The following KTN1 variants were observed in gnomAD, a reference collection of about 807,000 sequenced individuals.
The protein encoded by KTN1 is kinectin 1.
KTN1 carries 130 observed loss-of-function variants against 222.5 expected under a neutral mutation model. The observed-to-expected ratio is 0.58, with a 90% confidence interval of 0.51 to 0.68. The LOEUF is 0.68. KTN1 is among the 30% of genes least tolerant of loss of function. The pLI, the probability that KTN1 is intolerant of heterozygous loss-of-function variation, is 0.00. For synonymous variants in KTN1, 512 were observed against 496.3 expected, an observed-to-expected ratio of 1.03 and a Z score of -0.42; for missense variants, 1,508 against 1,500.4, an observed-to-expected ratio of 1.01 and a Z score of -0.08.
At chr14:55,634,207 G>T (rs2040857113) in intron 8 of KTN1, among the ~76,000 whole-genome samples, 4 of 152,128 alleles carry the variant, frequency 2.6e-5, no homozygotes, top group Admixed American at 2.6e-4. Context: ...ACCTTAGAGA[G>T]ACTAGTAATA....
chr14:55,641,572 A>G (rs1052053121), intron 17 of KTN1, 120 bp from the exon 18 acceptor site: 1 of 742,166 alleles, frequency 1.3e-6, no homozygotes, highest in African/African-American at 1.8e-5. Flanking sequence ...TGTATAATTC[A>G]CCTGTCACTT....
At chr14:55,681,771 T>A (rs1454082430) in intron 43 of KTN1, 1 of 152,174 alleles carries the variant, frequency 6.6e-6, no homozygotes, top group Non-Finnish European at 1.5e-5. Flanking sequence ...CTCGAACTTC[T>A]TCATTCCTTA....
chr14:55,581,846 C>A (rs183695149), intron 1 of KTN1, among the ~76,000 whole-genome samples: 3 of 151,864 alleles, frequency 2.0e-5, no homozygotes, highest in Non-Finnish European at 4.4e-5. Context: ...GTAGACATGC[C>A]TTGCAGTAGA....
At position 55,641,204 on chromosome 14, in the gene KTN1, T is replaced by A. The variant is rs763771643; in HGVS notation, c.2099T>A (p.Phe700Tyr). The A allele has an allele frequency of 6.3e-7, 1 of 1,575,956 alleles. No homozygotes were observed. The highest frequency in any genetic ancestry group is 1.2e-5 in the South Asian group (1 of 85,934). Residue 700 changes from phenylalanine to tyrosine, a missense_variant, in exon 17 of 44, where the codon TTT becomes TAT. Transcript: ENST00000395314. ...QHEISNKMEE[F>Y]KILNDQNKAL... Reference sequence around the variant, plus strand: ...GAAATTTCAAACAAAATGGAAGAATTTAAGGTGTGTGATTAAGCTTGTACA... The same window carrying A: ...GAAATTTCAAACAAAATGGAAGAATATAAGGTGTGTGATTAAGCTTGTACA...
At chr14:55,643,195 C>G (rs1455862195) in intron 18 of KTN1, among the ~76,000 whole-genome samples, 2 of 152,140 alleles carry the variant, frequency 1.3e-5, no homozygotes, top group African/African-American at 4.8e-5. Flanking sequence ...CAGATGTGAG[C>G]CACTGTGCCC....
At chr14:55,608,908 G>A (rs2037146502) in intron 1 of KTN1, among the ~76,000 whole-genome samples, 1 of 152,058 alleles carries the variant, frequency 6.6e-6, no homozygotes, top group African/African-American at 2.4e-5. Context: ...GGGATTACAG[G>A]CATGAGCCAC....
intron 1 of KTN1, among the ~76,000 whole-genome samples, chr14:55,603,164 T>C (rs905726158): frequency 6.6e-6 from 1 of 150,636 alleles, no homozygotes; most frequent in African/African-American, 2.4e-5. Context: ...TTTTACTGGA[T>C]CATTTTTTTT....
At chr14:55,636,372 G>A (rs552995942) in intron 9 of KTN1, 77 bp from the exon 10 acceptor site, 46 of 1,065,466 alleles carry the variant, frequency 4.3e-5, no homozygotes, top group Admixed American at 1.5e-4. Flanking sequence ...GGTAGAGGAT[G>A]CTTTTTTTCC....
intron 29 of KTN1, among the ~76,000 whole-genome samples, chr14:55,657,697 G>A (rs1405634181): frequency 3.3e-5 from 5 of 152,038 alleles, no homozygotes. Flanking sequence ...GATCTCTTGA[G>A]GTCAGGGGTT....
intron 1 of KTN1, among the ~76,000 whole-genome samples, chr14:55,582,895 A>G (rs780739915): frequency 5.3e-5 from 8 of 152,182 alleles, no homozygotes; most frequent in Admixed American, 1.3e-4. Flanking sequence ...AATCCAGAGT[A>G]TACTTAGAGG....
intron 1 of KTN1, 125 bp downstream of exon 1, chr14:55,580,479 G>T (rs2031120627): frequency 6.8e-6 from 1 of 147,342 alleles, no homozygotes; most frequent in African/African-American, 2.4e-5. Flanking sequence ...GCGGCCGCGG[G>T]GCCCGGACGC....
At position 55,660,864 on chromosome 14, in the gene KTN1, G is replaced by A. The variant is rs76954990; in HGVS notation, c.3000-658G>A. Among the ~76,000 whole-genome samples the A allele has an allele frequency of 2.6e-4, 40 of 152,306 alleles. No individual in the cohort carries two copies. The East Asian group carries it at 7.1e-3, about 27-fold the overall frequency. On this transcript the variant is annotated intron_variant, in intron 31 of 43. Transcript: ENST00000395314. ...GACCTACAAAAACAGACTGTGGAGT[G>A]GGCCCATAGCCCTAGTTTGCCAGCC...
In KTN1 at chr14:55,628,009, G is replaced by C. The variant is rs766177694; in HGVS notation, c.1061G>C (p.Arg354Pro). The change falls in exon 6 of 44, where the codon CGG becomes CCG. Residue 354 changes from arginine to proline, a missense_variant. Transcript: ENST00000395314. ...VKEDAAATKD[R>P]CKQLTQEMMT... The stretch of plus-strand genomic sequence containing the variant: ...GAAGATGCTGCTGCTACAAAGGATC[G>C]GTGTAAGCAGTTAACCCAGGTGAAG... The C allele has an allele frequency of 6.2e-7, 1 of 1,611,286 alleles. No homozygotes were observed. Among genetic ancestry groups the C allele is most frequent in the Non-Finnish European group, 8.5e-7 (1 of 1,177,556 alleles).
chr14:55,668,147 AG>A (rs993312109), intron 34 of KTN1: 7 of 152,130 alleles, frequency 4.6e-5, no homozygotes, highest in Non-Finnish European at 8.8e-5. Flanking sequence ...CTTTTTAAAA[AG>A]TGTGATATTA....
intron 17 of KTN1, among the ~76,000 whole-genome samples, chr14:55,641,427 A>G (rs553591999): frequency 1.5e-4 from 23 of 152,132 alleles, no homozygotes; most frequent in South Asian, 8.3e-4. Flanking sequence ...TTGGCCCCCA[A>G]TCTTTTCTCA....
intron 34 of KTN1, among the ~76,000 whole-genome samples, chr14:55,669,851 A>T (rs997213339): frequency 1.3e-5 from 2 of 152,036 alleles, no homozygotes; most frequent in Non-Finnish European, 2.9e-5. Context: ...TTTCCAGAGA[A>T]TCCTGATTCT....
intron 18 of KTN1, among the ~76,000 whole-genome samples, chr14:55,646,486 TTTCC>T (rs1566788656): frequency 0.031 from 3,055 of 99,650 alleles, 198 homozygotes; most frequent in African/African-American, 0.092. Context: ...TTTCCTTTCC[TTTCC>T]TTTCCTTTCC....
intron 1 of KTN1, among the ~76,000 whole-genome samples, chr14:55,595,998 C>T (rs959129152): frequency 2.6e-5 from 4 of 151,492 alleles, no homozygotes; most frequent in Non-Finnish European, 5.9e-5. Context: ...ACCAAAAATA[C>T]AAAAAAATTA....
chr14:55,614,448 A>G (rs1386109525), intron 2 of KTN1, among the ~76,000 whole-genome samples: 4 of 152,196 alleles, frequency 2.6e-5, no homozygotes, highest in Admixed American at 2.6e-4. Flanking sequence ...CAGATAAAGG[A>G]GAAGATAGGA....
Sources: allele counts gnomAD v4.1 joint callset (sites outside exome capture counted in the v4.1 genomes callset), GRCh38; gene constraint gnomAD v4.1.1; transcripts MANE v1.5; gene names NCBI Gene and HGNC (gene_info 2026-07-23, HGNC 2026-07-21).